Variants in SLC8A1 observed in about 807,000 individuals in gnomAD.
SLC8A1 encodes the protein sodium/calcium exchanger 1.
In SLC8A1, 18 loss-of-function variants were observed where a neutral mutation model predicts 68.3. That is an observed-to-expected ratio of 0.26 (90% CI 0.18 to 0.39). The LOEUF (loss-of-function observed/expected upper bound fraction) is 0.39, where lower values mean the gene tolerates loss of function less well. Among genes scored for constraint, SLC8A1 ranks in the 10% least tolerant of loss-of-function variants. SLC8A1 has a pLI of 1.00. For synonymous variants in SLC8A1, 475 were observed against 415.5 expected (o/e 1.14, Z -1.74); for missense variants, 985 against 1,156.7 (o/e 0.85, Z 2.15).
chr2:40,352,044 C>T (rs1313032683), intron 2 of SLC8A1, among the ~76,000 whole-genome samples: 1 of 152,076 alleles, frequency 6.6e-6, no homozygotes, highest in Non-Finnish European at 1.5e-5. Flanking sequence ...ATGGACGTTG[C>T]TTAAGTCAAT....
chr2:40,497,010 C>G (rs1251199417), intron 1 of SLC8A1, among the ~76,000 whole-genome samples: 1 of 151,310 alleles, frequency 6.6e-6, no homozygotes, highest in African/African-American at 2.4e-5. Context: ...ACCAGCATGG[C>G]ACATGTATAC....
intron 1 of SLC8A1, among the ~76,000 whole-genome samples, chr2:40,444,848 A>G (rs576631158): frequency 6.6e-6 from 1 of 152,280 alleles, no homozygotes; most frequent in African/African-American, 2.4e-5. Flanking sequence ...GACAGATCCT[A>G]TAGTTCACAA....
intron 2 of SLC8A1, among the ~76,000 whole-genome samples, chr2:40,388,155 C>T (rs1017984986): frequency 6.6e-6 from 1 of 151,938 alleles, no homozygotes; most frequent in Non-Finnish European, 1.5e-5. Flanking sequence ...AGTAGTGCCC[C>T]TTAGAAATCA....
chr2:40,230,308 C>G (rs2059491833), intron 2 of SLC8A1, among the ~76,000 whole-genome samples: 1 of 152,172 alleles, frequency 6.6e-6, no homozygotes, highest in Non-Finnish European at 1.5e-5. Flanking sequence ...ACATAAGCTT[C>G]TTGCTGTTAT....
intron 2 of SLC8A1, among the ~76,000 whole-genome samples, chr2:40,286,687 A>T (rs904566856): frequency 1.3e-5 from 2 of 152,200 alleles, no homozygotes; most frequent in African/African-American, 4.8e-5. Flanking sequence ...TCCGGAGCTG[A>T]TGGACAGCTA....
At chr2:40,200,207 AATATATATATATTTTTTTATATATAT>A (rs1558721605) in intron 2 of SLC8A1, among the ~76,000 whole-genome samples, 1 of 9,312 alleles carries the variant, frequency 1.1e-4, no homozygotes, top group African/African-American at 5.6e-4. Context: ...TATATATATA[AATATATATATATTTTTTTATATATAT>A]ATATAAATAT....
At chr2:40,335,502 C>T (rs576228451) in intron 2 of SLC8A1, among the ~76,000 whole-genome samples, 1 of 152,324 alleles carries the variant, frequency 6.6e-6, no homozygotes, top group East Asian at 1.9e-4. Flanking sequence ...ACCAGGAAAA[C>T]TGGATGGGAA....
At chr2:40,245,941 G>T (rs559307967) in intron 2 of SLC8A1, among the ~76,000 whole-genome samples, 4 of 152,202 alleles carry the variant, frequency 2.6e-5, no homozygotes, top group African/African-American at 7.2e-5. Flanking sequence ...CTTGACCAAG[G>T]TTACATAGTT....
chr2:40,215,493 C>T (rs1014792792), intron 2 of SLC8A1, among the ~76,000 whole-genome samples: 1 of 151,628 alleles, frequency 6.6e-6, no homozygotes, highest in Non-Finnish European at 1.5e-5. Context: ...AAAAATTAGC[C>T]GGGCACGGTG....
At chr2:40,139,230 G>A (rs996588851) in intron 7 of SLC8A1, among the ~76,000 whole-genome samples, 171 bp downstream of exon 10, 1 of 152,102 alleles carries the variant, frequency 6.6e-6, no homozygotes, top group Non-Finnish European at 1.5e-5. Flanking sequence ...TTTGAACCTT[G>A]AGAAGGGCCA....
intron 1 of SLC8A1, among the ~76,000 whole-genome samples, chr2:40,475,420 A>G (rs1704230947): frequency 6.6e-6 from 1 of 152,224 alleles, no homozygotes; most frequent in Non-Finnish European, 1.5e-5. Flanking sequence ...GGCATGAGCC[A>G]CCGTGCCCGG....
intron 2 of SLC8A1, among the ~76,000 whole-genome samples, chr2:40,334,009 T>C (rs77342590): frequency 0.032 from 4,882 of 152,260 alleles, 97 homozygotes; most frequent in South Asian, 0.048. Flanking sequence ...GATGGCACCA[T>C]TGCATTCAGC....
chr2:40,440,300 A>G (rs749177150), intron 1 of SLC8A1, among the ~76,000 whole-genome samples: 7 of 152,182 alleles, frequency 4.6e-5, no homozygotes, highest in Non-Finnish European at 1.0e-4. Flanking sequence ...ATGTGAATTT[A>G]TCTATCACAA....
At chr2:40,269,232 T>C (rs1362743155) in intron 2 of SLC8A1, among the ~76,000 whole-genome samples, 1 of 152,198 alleles carries the variant, frequency 6.6e-6, no homozygotes. Context: ...AACTTTATAA[T>C]AACATAGCTT....
At chr2:40,260,255 C>T (rs1206069208) in intron 2 of SLC8A1, among the ~76,000 whole-genome samples, 2 of 152,160 alleles carry the variant, frequency 1.3e-5, no homozygotes, top group African/African-American at 4.8e-5. Flanking sequence ...AGCTATTCCT[C>T]AAGGACAAAC....
exon 8 of SLC8A1, chr2:40,106,017 C>A (rs2034174813): frequency 6.6e-6 from 1 of 152,174 alleles, no homozygotes; most frequent in African/African-American, 2.4e-5. Flanking sequence ...TCCCATGTCT[C>A]AATAATTAAC....
At chr2:40,368,870 C>A (rs1249983014) in intron 2 of SLC8A1, among the ~76,000 whole-genome samples, 1 of 151,868 alleles carries the variant, frequency 6.6e-6, no homozygotes, top group Admixed American at 6.6e-5. Flanking sequence ...AATAGAGAAC[C>A]CAGAAATAAG....
At chr2:40,452,031 A>G (rs1702610002) in exon 1 of SLC8A1, 1 of 151,368 alleles carries the variant, frequency 6.6e-6, no homozygotes, top group Non-Finnish European at 1.5e-5. Flanking sequence ...GGGAAGCACA[A>G]AGCAGGCGGC....
At chr2:40,425,632 T>C (rs994050347) in intron 2 of SLC8A1, among the ~76,000 whole-genome samples, 1 of 151,886 alleles carries the variant, frequency 6.6e-6, no homozygotes. Flanking sequence ...CTGTAGGTTT[T>C]GAAGGAGGAC....
Sources: gnomAD v4.1 joint callset for allele counts (sites outside exome capture counted in the v4.1 genomes callset) on GRCh38, gnomAD v4.1.1 for gene constraint, MANE v1.5 for transcripts, NCBI Gene and HGNC (gene_info 2026-07-23, HGNC 2026-07-21) for gene names.